ATF6: variants seen among roughly 807,000 people sequenced by gnomAD.
The protein encoded by ATF6 is activating transcription factor 6.
Under a neutral mutation model 83.6 loss-of-function variants are expected in ATF6, and 53 were observed. That is an observed-to-expected ratio of 0.63 (90% CI 0.51 to 0.80). ATF6 has a LOEUF of 0.80. Ranked by LOEUF, ATF6 falls within the 30% of genes least tolerant of loss-of-function variation. The probability of loss-of-function intolerance (pLI) is 0.00; values close to 1 mark genes in which losing one functional copy is unlikely to be tolerated. For missense variants in ATF6, 744 were observed against 797.9 expected, an observed-to-expected ratio of 0.93 and a Z score of 0.81; for synonymous variants, 288 against 285.8, an observed-to-expected ratio of 1.01 and a Z score of -0.08.
intron 15 of ATF6, among the ~76,000 whole-genome samples, chr1:161,956,347 C>A (rs918281482): frequency 2.0e-5 from 3 of 152,138 alleles, no homozygotes; most frequent in African/African-American, 7.2e-5. Flanking sequence ...GAGAGAGGGA[C>A]TATGGTTCCA....
chr1:161,783,356 ATGGCTAAT>A (rs1412703059), intron 3 of ATF6, among the ~76,000 whole-genome samples: 4 of 152,120 alleles, frequency 2.6e-5, no homozygotes, highest in Admixed American at 2.6e-4. Context: ...TAGATATCGT[ATGGCTAAT>A]TTTGGAAAAC....
At chr1:161,920,165 T>A (rs1284543701) in intron 15 of ATF6, among the ~76,000 whole-genome samples, 4 of 152,128 alleles carry the variant, frequency 2.6e-5, no homozygotes, top group African/African-American at 9.6e-5. Context: ...ACCTTGCATT[T>A]TCATTGTAAT....
At chr1:161,935,135 C>G (rs746552279) in intron 15 of ATF6, among the ~76,000 whole-genome samples, 1 of 152,152 alleles carries the variant, frequency 6.6e-6, no homozygotes, top group African/African-American at 2.4e-5. Flanking sequence ...AATAAGAATG[C>G]CCTAATCCTC....
intron 15 of ATF6, among the ~76,000 whole-genome samples, chr1:161,922,160 A>G (rs1289277109): frequency 6.6e-6 from 1 of 152,196 alleles, no homozygotes; most frequent in Non-Finnish European, 1.5e-5. Context: ...ACTGCTGCCA[A>G]GATGAGTCAT....
intron 15 of ATF6, among the ~76,000 whole-genome samples, chr1:161,918,042 A>T (rs1688136718): frequency 6.6e-6 from 1 of 152,214 alleles, no homozygotes; most frequent in Non-Finnish European, 1.5e-5. Context: ...ACAGATGTGC[A>T]AGGATTGAAA....
At chr1:161,766,772 G>A (rs1335158643) in intron 1 of ATF6, among the ~76,000 whole-genome samples, 1 of 152,236 alleles carries the variant, frequency 6.6e-6, no homozygotes, top group Admixed American at 6.5e-5. Flanking sequence ...CGCCAAAAAG[G>A]CTACAAGCTA....
intron 7 of ATF6, among the ~76,000 whole-genome samples, chr1:161,814,071 G>A (rs1402168357): frequency 6.6e-6 from 1 of 152,052 alleles, no homozygotes; most frequent in Non-Finnish European, 1.5e-5. Flanking sequence ...ATTTTTAGTA[G>A]AGATGGGTTT....
At position 161,792,216 on chromosome 1, in the gene ATF6, C is replaced by G. The variant is rs2101742616; in HGVS notation, c.577C>G (p.Gln193Glu). 1 of 1,614,144 alleles carries G rather than the reference C, an allele frequency of 6.2e-7. No individual in the cohort carries two copies. Among genetic ancestry groups the G allele is most frequent in the Non-Finnish European group, 8.5e-7 (1 of 1,179,986 alleles). Residue 193 changes from glutamine (Q) to glutamate (E), a missense_variant, in exon 6 of 16, where the codon CAA (glutamine) becomes GAA (glutamate). Coordinates refer to ENST00000367942, the MANE Select transcript of ATF6 (RefSeq NM_007348.4). Reference sequence around the variant, plus strand: ...ATTGCTTCCAGCAGCACCCAAGACTCAAACAAACTCCAGTGTTCCAGCAAA... The same window carrying G: ...ATTGCTTCCAGCAGCACCCAAGACTGAAACAAACTCCAGTGTTCCAGCAAA... ...PLLLPAAPKT[Q>E]TNSSVPAKTI...
At chr1:161,913,153 GA>G (rs1373259818) in intron 15 of ATF6, among the ~76,000 whole-genome samples, 3 of 152,074 alleles carry the variant, frequency 2.0e-5, no homozygotes, top group Non-Finnish European at 4.4e-5. Context: ...ACATTATATT[GA>G]AAATCGGAGA....
At chr1:161,812,306 TG>T (rs1418581369) in intron 7 of ATF6, among the ~76,000 whole-genome samples, 2 of 150,656 alleles carry the variant, frequency 1.3e-5, no homozygotes, top group African/African-American at 4.9e-5. Flanking sequence ...TGTGTGTGTG[TG>T]TGTGTGTTTT....
In ATF6 at chr1:161,779,806, C is replaced by T. The variant is rs145596469; in HGVS notation, c.159+1486C>T. The stretch of plus-strand genomic sequence containing the variant: ...AGGCTGGAGTGCAGTGGTTTGATCT[C>T]GGCTCACTGCAACCTCTGCCTCCCA... On this transcript the variant is annotated intron_variant, in intron 2 of 15. Coordinates refer to ENST00000367942, the MANE Select transcript of ATF6 (RefSeq NM_007348.4). 2.0e-3 allele frequency among the ~76,000 whole-genome samples: 303 copies of T among 152,000 alleles called. 3 individuals carry two copies. Among genetic ancestry groups the T allele is most frequent in the African/African-American group, 6.7e-3 (277 of 41,448 alleles).
At position 161,862,405 on chromosome 1, in the gene ATF6, C is replaced by T. The variant is rs149520660; in HGVS notation, c.1605-793C>T. On this transcript the variant is annotated intron_variant, in intron 13 of 15. Coordinates refer to ENST00000367942, the MANE Select transcript of ATF6 (RefSeq NM_007348.4). The stretch of plus-strand genomic sequence containing the variant: ...CCCTTTAACTCTTCCAGATATTGGT[C>T]CTAAACCCTAGAAAATCCTGAACAC... Among the ~76,000 whole-genome samples, 80 of 152,210 alleles carry T rather than the reference C, an allele frequency of 5.3e-4. 2 individuals carry two copies. The highest frequency in any genetic ancestry group is 1.9e-3 in the African/African-American group (79 of 41,540).
At chr1:161,801,864 T>G (rs1020928073) in intron 6 of ATF6, among the ~76,000 whole-genome samples, 188 bp from the exon 7 acceptor site, 2 of 152,178 alleles carry the variant, frequency 1.3e-5, no homozygotes, top group Non-Finnish European at 2.9e-5. Context: ...ATTTAGTTGG[T>G]CACATTAAAA....
chr1:161,846,989 G>A (rs563304882), intron 10 of ATF6, among the ~76,000 whole-genome samples: 6 of 152,142 alleles, frequency 3.9e-5, no homozygotes, highest in African/African-American at 1.2e-4. Flanking sequence ...CAGTCATTAG[G>A]TAAAATCATT....
intron 4 of ATF6, among the ~76,000 whole-genome samples, chr1:161,784,881 A>G (rs1003164060): frequency 1.4e-4 from 22 of 152,144 alleles, no homozygotes; most frequent in African/African-American, 5.3e-4. Context: ...CAACTCCTCA[A>G]ACCTTTCTTA....
chr1:161,828,309 C>G (rs376311730), intron 9 of ATF6, among the ~76,000 whole-genome samples: 3 of 152,004 alleles, frequency 2.0e-5, no homozygotes, highest in African/African-American at 7.2e-5. Context: ...AAAAATAAAT[C>G]AAAACTCTTA....
intron 6 of ATF6, among the ~76,000 whole-genome samples, chr1:161,797,507 C>A (rs1388830502): frequency 6.6e-6 from 1 of 152,138 alleles, no homozygotes; most frequent in African/African-American, 2.4e-5. Context: ...AAGTCAGCAG[C>A]ATTTCTATAC....
intron 13 of ATF6, among the ~76,000 whole-genome samples, chr1:161,861,123 C>G (rs947110836): frequency 5.3e-5 from 8 of 152,014 alleles, no homozygotes; most frequent in African/African-American, 1.4e-4. Context: ...TAAGTGCCCC[C>G]CAAAATGGTA....
intron 15 of ATF6, among the ~76,000 whole-genome samples, chr1:161,948,610 G>T (rs1688805225): frequency 6.6e-6 from 1 of 152,142 alleles, no homozygotes; most frequent in Admixed American, 6.5e-5. Flanking sequence ...AATTTTAAAT[G>T]ACTCAACAGG....
Sources: allele counts gnomAD v4.1 joint callset (sites outside exome capture counted in the v4.1 genomes callset), GRCh38; gene constraint gnomAD v4.1.1; transcripts MANE v1.5; gene names NCBI Gene and HGNC (gene_info 2026-07-23, HGNC 2026-07-21).